Variants in TTC3 observed in about 807,000 individuals in gnomAD.
TTC3 encodes the protein E3 ubiquitin-protein ligase TTC3.
TTC3 carries 180 observed loss-of-function variants against 249.6 expected under a neutral mutation model. The ratio of observed to expected loss-of-function variants is 0.72; its 90% CI spans 0.64 to 0.82. TTC3 has a LOEUF of 0.82. Ranked by LOEUF, TTC3 falls within the 40% of genes least tolerant of loss-of-function variation. The pLI is 0.00. For missense variants in TTC3, 2,061 were observed against 2,398.4 expected (o/e 0.86, Z 2.94); for synonymous variants, 717 against 805.0 (o/e 0.89, Z 1.85).
At chr21:37,137,573 A>G (rs1023683674) in intron 18 of TTC3, among the ~76,000 whole-genome samples, 5 of 152,176 alleles carry the variant, frequency 3.3e-5, no homozygotes, top group African/African-American at 1.2e-4. Flanking sequence ...TGCTTTTTAT[A>G]CATGAACAAA....
At chr21:37,109,874 A>G (rs1601499001) in intron 11 of TTC3, among the ~76,000 whole-genome samples, 2 of 152,334 alleles carry the variant, frequency 1.3e-5, no homozygotes, top group Admixed American at 1.3e-4. Context: ...TTCCAGAGGA[A>G]CGATCAGGCA....
intron 33 of TTC3, among the ~76,000 whole-genome samples, chr21:37,167,196 A>G (rs1481514148): frequency 2.0e-5 from 3 of 152,202 alleles, no homozygotes; most frequent in African/African-American, 7.2e-5. Context: ...CCAGGTAGAA[A>G]CAAGAGGGAT....
Position 37,129,093 on chromosome 21 carries a change from T to C in TTC3, c.1358+30T>C, listed in dbSNP as rs769081706. The C allele has an allele frequency of 1.3e-5, 19 of 1,513,302 alleles. No homozygotes were observed. In the East Asian group the frequency reaches 1.7e-4, roughly 13 times the overall value. The allele number at this position is 1,513,302 out of a possible 1,614,324, so 93.7% of individuals were successfully genotyped here. ...GTTTTTTCTCTAAGGTATGTTTTTTTCCCCTTAATATACTCTTCCCAAGAA... is the reference window on the plus strand; with the variant it reads ...GTTTTTTCTCTAAGGTATGTTTTTTCCCCCTTAATATACTCTTCCCAAGAA... On this transcript the variant is annotated intron_variant, in intron 16 of 45. Coordinates refer to ENST00000355666, the Ensembl canonical transcript of TTC3.
intron 17 of TTC3, 40 bp downstream of exon 17, chr21:37,132,806 T>G (rs2077585770): frequency 6.7e-7 from 1 of 1,488,436 alleles, no homozygotes; most frequent in African/African-American, 1.4e-5. Flanking sequence ...GCAAAACTCT[T>G]TGAACAAAAC....
At chr21:37,168,973 C>T (rs769262948) in intron 34 of TTC3, among the ~76,000 whole-genome samples, 20 of 152,188 alleles carry the variant, frequency 1.3e-4, no homozygotes, top group Non-Finnish European at 2.5e-4. Context: ...CAGTTCCTTG[C>T]CTTGTGGACC....
chr21:37,078,065 G>A (rs1226886443), intron 1 of TTC3, among the ~76,000 whole-genome samples: 1 of 151,670 alleles, frequency 6.6e-6, no homozygotes, highest in Admixed American at 6.6e-5. Context: ...TCTCCTGTGT[G>A]GTTCTAATTA....
intron 28 of TTC3, chr21:37,158,009 C>T: frequency 2.2e-6 from 1 of 452,614 alleles, no homozygotes; most frequent in Non-Finnish European, 2.9e-6. Context: ...AAGGTCTGGC[C>T]TTGTACGATG....
exon 33 of TTC3, chr21:37,166,316 G>A: frequency 1.2e-6 from 2 of 1,614,182 alleles, no homozygotes; most frequent in Non-Finnish European, 8.5e-7. Context: ...AGTACCAGTG[G>A]TGCCGTCTTT....
intron 17 of TTC3, 41 bp from the exon 18 acceptor site, chr21:37,135,339 G>C (rs374263316): frequency 6.4e-7 from 1 of 1,571,858 alleles, no homozygotes; most frequent in Non-Finnish European, 8.6e-7. Context: ...AATTAAAAAT[G>C]TGTAGATTCA....
chr21:37,145,820 A>G (rs747646087), intron 21 of TTC3, among the ~76,000 whole-genome samples: 1 of 151,858 alleles, frequency 6.6e-6, no homozygotes, highest in Non-Finnish European at 1.5e-5. Flanking sequence ...TTAACAACCA[A>G]CTCTTTAGGG....
In TTC3 at chr21:37,136,478, A is replaced by C. The variant is rs544809855; in HGVS notation, c.1578+964A>C. Among the ~76,000 whole-genome samples the C allele has an allele frequency of 2.7e-3, 409 of 152,338 alleles. 1 individual carries two copies. The highest frequency in any genetic ancestry group is 5.0e-3 in the Non-Finnish European group (337 of 68,022). ...CAGAGAGTCTTAGTGGTCTGGGTAG[A>C]AGATCAAACCAGCCACAACATTCTC... On this transcript the variant is annotated intron_variant, in intron 18 of 45. Transcript: ENST00000355666.
intron 14 of TTC3, 34 bp from the exon 15 acceptor site, chr21:37,126,041 GTTTTT>G (rs201506911): frequency 1.6e-6 from 2 of 1,262,494 alleles, no homozygotes; most frequent in South Asian, 1.5e-5. Flanking sequence ...TGGCTGGGTT[GTTTTT>G]TTTTTTTTTA....
intron 25 of TTC3, 63 bp downstream of exon 25, chr21:37,150,947 T>G: frequency 1.6e-6 from 2 of 1,222,868 alleles, no homozygotes; most frequent in Non-Finnish European, 2.3e-6. Context: ...TTCTATTAAA[T>G]GCAGATTTCT....
At chr21:37,089,943 C>T (rs1016089637) in intron 5 of TTC3, among the ~76,000 whole-genome samples, 1 of 151,692 alleles carries the variant, frequency 6.6e-6, no homozygotes, top group African/African-American at 2.4e-5. Context: ...TGAGACTGCG[C>T]CACTGCACTC....
At chr21:37,159,708 G>A (rs933094622) in exon 29 of TTC3, 2 of 1,613,772 alleles carry the variant, frequency 1.2e-6, no homozygotes, top group Non-Finnish European at 1.7e-6. Flanking sequence ...GACAGCCGCT[G>A]TACTGTGTTA....
intron 13 of TTC3, among the ~76,000 whole-genome samples, chr21:37,123,668 G>A (rs776900681): frequency 1.3e-5 from 2 of 152,052 alleles, no homozygotes; most frequent in Non-Finnish European, 2.9e-5. Context: ...AATTGGCTGT[G>A]GAGGCTTTAA....
chr21:37,165,035 A>T (rs1478254040), intron 32 of TTC3, among the ~76,000 whole-genome samples: 2 of 152,170 alleles, frequency 1.3e-5, no homozygotes, highest in Non-Finnish European at 2.9e-5. Context: ...CTCTTGGGTG[A>T]CAGTGTGGAA....
At chr21:37,125,036 G>GA (rs1447517310) in intron 14 of TTC3, among the ~76,000 whole-genome samples, 2 of 152,128 alleles carry the variant, frequency 1.3e-5, no homozygotes, top group Non-Finnish European at 2.9e-5. Context: ...TCGGTTGTTG[G>GA]AAAAGTCCTC....
In TTC3 at chr21:37,140,541, T is replaced by C. The variant is rs765902568; in HGVS notation, c.1660-20T>C. The C allele has an allele frequency of 6.8e-7, 1 of 1,478,104 alleles. No individual in the cohort carries two copies. Among genetic ancestry groups the C allele is most frequent in the Non-Finnish European group, 9.1e-7 (1 of 1,099,226 alleles). The allele number at this position is 1,478,104 out of a possible 1,614,324, so 91.6% of individuals were successfully genotyped here. ...TTTCTCTTTGTATGTAAGTGATCAT[T>C]GTTTTCACTGCTATTCAAGGAATTA... On this transcript the variant is annotated intron_variant, in intron 19 of 45. Coordinates refer to ENST00000355666, the Ensembl canonical transcript of TTC3.
Sources: allele counts gnomAD v4.1 joint callset (sites outside exome capture counted in the v4.1 genomes callset), GRCh38; gene constraint gnomAD v4.1.1; transcripts MANE v1.5; gene names NCBI Gene and HGNC (gene_info 2026-07-23, HGNC 2026-07-21).